WDR76: variants seen among roughly 807,000 people sequenced by gnomAD.
The protein encoded by WDR76 is WD repeat-containing protein 76.
In WDR76, 52 loss-of-function variants were observed where a neutral mutation model predicts 70.2. The ratio of observed to expected loss-of-function variants is 0.74; its 90% CI spans 0.59 to 0.93. WDR76 has a LOEUF of 0.93. Ranked by LOEUF, WDR76 falls within the 40% of genes least tolerant of loss-of-function variation. The pLI is 0.00. For missense variants in WDR76, 756 were observed against 760.2 expected, an observed-to-expected ratio of 0.99 and a Z score of 0.07; for synonymous variants, 292 against 271.1, an observed-to-expected ratio of 1.08 and a Z score of -0.76.
chr15:43,859,885 G>C (rs1285377890), intron 11 of WDR76, among the ~76,000 whole-genome samples: 1 of 152,218 alleles, frequency 6.6e-6, no homozygotes, highest in East Asian at 1.9e-4. Flanking sequence ...AGGAGGTGGT[G>C]ATGCTGTTAG....
intron 3 of WDR76, among the ~76,000 whole-genome samples, chr15:43,835,807 C>T (rs948518844): frequency 3.3e-5 from 5 of 151,788 alleles, no homozygotes; most frequent in South Asian, 2.1e-4. Flanking sequence ...TACAGGCGCC[C>T]GCCACCACGC....
Position 43,857,061 on chromosome 15 carries a change from C to T in WDR76, c.1307C>T (p.Pro436Leu). Residue 436 changes from proline to leucine, a missense_variant, in exon 10 of 13, where the codon CCT (proline) becomes CTT (leucine). Physicochemically the swap from Pro to Leu is moderately conservative, Grantham distance 98 (BLOSUM62 -3). Transcript: ENST00000263795. ...GNMSLVDRRT[P>L]GTSYEKLTSS... ...ATGTCACTGGTGGATAGACGGACAC[C>T]TGGAACTTCTTATGAGAAACTTACC... 4.3e-6 allele frequency: 7 copies of T among 1,614,094 alleles called. No individual in the cohort carries two copies. The South Asian group carries it at 7.7e-5, about 18-fold the overall frequency.
intron 2 of WDR76, among the ~76,000 whole-genome samples, chr15:43,833,385 C>T (rs2087615279): frequency 6.8e-6 from 1 of 146,824 alleles, no homozygotes; most frequent in Non-Finnish European, 1.5e-5. Flanking sequence ...GTGGCGCCAT[C>T]TCGGCTCACT....
chr15:43,847,020 C>T (rs989676964), intron 8 of WDR76, among the ~76,000 whole-genome samples: 1 of 64,758 alleles, frequency 1.5e-5, no homozygotes. Flanking sequence ...AAAACACCAC[C>T]TCAAAAAAAA....
In WDR76 at chr15:43,858,696, C is replaced by T. The variant is rs1479340200; in HGVS notation, c.1435C>T (p.Arg479Ter). ...GGATACTCATATTTATGATGCAAGGCGATTGAATTCCAGGAGAAGTCAGCC... is the reference window on the plus strand; with the variant it reads ...GGATACTCATATTTATGATGCAAGGTGATTGAATTCCAGGAGAAGTCAGCC... ...LRDTHIYDAR[R>*]LNSRRSQPLI... Residue 479 changes from arginine (R) to a stop codon, truncating the protein, a stop_gained, in exon 11 of 13, where the codon CGA becomes TGA. Transcript: ENST00000263795. LOFTEE classifies it high-confidence loss of function. 11 of 1,613,962 alleles carry T rather than the reference C, an allele frequency of 6.8e-6. No homozygotes were observed. The highest frequency in any genetic ancestry group is 2.2e-5 in the East Asian group (1 of 44,876).
chr15:43,856,850 G>A, intron 9 of WDR76, 96 bp from the exon 10 acceptor site: 1 of 1,043,956 alleles, frequency 9.6e-7, no homozygotes, highest in Non-Finnish European at 1.4e-6. Flanking sequence ...GGTTATTTGG[G>A]TAAAGTGTTT....
At chr15:43,857,494 A>G in intron 10 of WDR76, 5 of 985,394 alleles carry the variant, frequency 5.1e-6, no homozygotes, top group Non-Finnish European at 6.0e-6. Context: ...GGCCTGTGTT[A>G]ACTTTTTTCT....
At chr15:43,861,989 A>C (rs2088003362) in intron 12 of WDR76, among the ~76,000 whole-genome samples, 1 of 151,906 alleles carries the variant, frequency 6.6e-6, no homozygotes, top group African/African-American at 2.4e-5. Flanking sequence ...GGCATGCACC[A>C]CTATGCCCAG....
chr15:43,837,051 A>C lies in WDR76; in HGVS notation c.608+835A>C, dbSNP rs564150202. ...GTGAGACTCCATCTCACAAAAAAAAAAAAAACAAAAAAAAACAACTATTTG... is the reference window on the plus strand; with the variant it reads ...GTGAGACTCCATCTCACAAAAAAAACAAAAACAAAAAAAAACAACTATTTG... On this transcript the variant is annotated intron_variant, in intron 4 of 12. Coordinates refer to ENST00000263795, the MANE Select transcript of WDR76 (RefSeq NM_024908.4). Among the ~76,000 whole-genome samples, 7 of 151,736 alleles carry C rather than the reference A, an allele frequency of 4.6e-5. No individual in the cohort carries two copies. In the South Asian group the frequency reaches 1.0e-3, roughly 22 times the overall value.
rs2087853857 is a variant in WDR76 at position 43,851,132 on chromosome 15, A to G, written c.1078A>G (p.Ser360Gly). Residue 360 changes from serine to glycine, a missense_variant, in exon 9 of 13, where the codon AGT becomes GGT. Transcript: ENST00000263795. ...EDGVYVFHPHSQPVSCLYFSP... is the reference protein window; with the variant it reads ...EDGVYVFHPHGQPVSCLYFSP... ...TGGAGTTTATGTTTTTCATCCCCAT[A>G]GTCAGCCAGTTAGCTGTCTTTACTT... 1 of 1,614,034 alleles carries G rather than the reference A, an allele frequency of 6.2e-7. No individual in the cohort carries two copies. The highest frequency in any genetic ancestry group is 1.3e-5 in the African/African-American group (1 of 74,920).
At chr15:43,835,023 A>T in intron 2 of WDR76, 38 bp from the exon 3 acceptor site, 1 of 1,559,522 alleles carries the variant, frequency 6.4e-7, no homozygotes, top group Non-Finnish European at 8.8e-7. Context: ...CCTGTAGATT[A>T]TATAAAGTAA....
intron 5 of WDR76, 90 bp from the exon 6 acceptor site, chr15:43,842,325 G>T (rs1399966411): frequency 9.0e-7 from 1 of 1,114,872 alleles, no homozygotes; most frequent in Non-Finnish European, 1.3e-6. Flanking sequence ...AAGTGAAGTT[G>T]TGGGGAAAAC....
chr15:43,828,659 T>G (rs546665127), intron 2 of WDR76, among the ~76,000 whole-genome samples: 34 of 152,346 alleles, frequency 2.2e-4, no homozygotes, highest in African/African-American at 7.7e-4. Context: ...AGTCATACTT[T>G]ATGGTGCCTT....
chr15:43,832,648 G>A (rs1567182077), intron 2 of WDR76, among the ~76,000 whole-genome samples: 1 of 151,228 alleles, frequency 6.6e-6, no homozygotes, highest in African/African-American at 2.4e-5. Context: ...GTTTCACCAT[G>A]GTGGCTAGGC....
At chr15:43,848,170 T>G (rs1272655459) in intron 8 of WDR76, among the ~76,000 whole-genome samples, 1 of 152,050 alleles carries the variant, frequency 6.6e-6, no homozygotes, top group Non-Finnish European at 1.5e-5. Flanking sequence ...CTCAAGGCGG[T>G]TGAGGCTGCA....
chr15:43,852,765 C>G (rs1420086420), intron 9 of WDR76, among the ~76,000 whole-genome samples: 1 of 152,158 alleles, frequency 6.6e-6, no homozygotes, highest in Non-Finnish European at 1.5e-5. Flanking sequence ...AAAGTTCATC[C>G]ATGTTGTAGC....
intron 12 of WDR76, among the ~76,000 whole-genome samples, chr15:43,862,170 A>G (rs1428260367): frequency 6.6e-6 from 1 of 151,056 alleles, no homozygotes; most frequent in East Asian, 2.0e-4. Context: ...ACTTTACTCA[A>G]TGCCTTCTCC....
intron 2 of WDR76, among the ~76,000 whole-genome samples, chr15:43,834,598 C>A (rs2087632906): frequency 6.6e-6 from 1 of 151,928 alleles, no homozygotes; most frequent in Non-Finnish European, 1.5e-5. Context: ...AGGTGTGAGC[C>A]ACCACGTCTG....
chr15:43,846,637 A>AGTCCCAGCTACTCGGGAGGCTG (rs2087791941), intron 8 of WDR76, among the ~76,000 whole-genome samples: 3 of 133,942 alleles, frequency 2.2e-5, no homozygotes, highest in Admixed American at 7.1e-5. Flanking sequence ...TAGCATGATT[A>AGTCCCAGCTACTCGGGAGGCTG]AATGAAGGTT....
Sources: gnomAD v4.1 joint callset for allele counts (sites outside exome capture counted in the v4.1 genomes callset) on GRCh38, gnomAD v4.1.1 for gene constraint, MANE v1.5 for transcripts, NCBI Gene and HGNC (gene_info 2026-07-23, HGNC 2026-07-21) for gene names.